NECTIN1: variants seen among roughly 807,000 people sequenced by gnomAD.
NECTIN1 encodes nectin cell adhesion molecule 1, also known as nectin-1.
Under a neutral mutation model 48.0 loss-of-function variants are expected in NECTIN1, and 23 were observed. That is an observed-to-expected ratio of 0.48 (90% CI 0.34 to 0.68). The LOEUF (loss-of-function observed/expected upper bound fraction) is 0.68, where lower values mean the gene tolerates loss of function less well. Ranked by LOEUF, NECTIN1 falls within the 30% of genes least tolerant of loss-of-function variation. NECTIN1 has a pLI of 0.01. For synonymous variants in NECTIN1, 270 were observed against 288.9 expected (o/e 0.93, Z 0.66); for missense variants, 591 against 709.9 (o/e 0.83, Z 1.90).
chr11:119,685,123 C>G (rs758457271), intron 1 of NECTIN1, among the ~76,000 whole-genome samples: 3 of 152,238 alleles, frequency 2.0e-5, no homozygotes, highest in Non-Finnish European at 4.4e-5. Flanking sequence ...GCATCTCTGT[C>G]TCCCCTGCTG....
chr11:119,686,711 G>A (rs1325133324), intron 1 of NECTIN1, among the ~76,000 whole-genome samples: 1 of 152,182 alleles, frequency 6.6e-6, no homozygotes, highest in Non-Finnish European at 1.5e-5. Flanking sequence ...CGTTACCTGC[G>A]CAAGTCCTTT....
intron 1 of NECTIN1, among the ~76,000 whole-genome samples, chr11:119,714,587 C>CCCTGT (rs1865715913): frequency 6.6e-6 from 1 of 152,164 alleles, no homozygotes; most frequent in South Asian, 2.1e-4. Flanking sequence ...CTGTCCCCTG[C>CCCTGT]CCTGTCCTGT....
chr11:119,719,904 C>T (rs1865799781), intron 1 of NECTIN1, among the ~76,000 whole-genome samples: 1 of 152,072 alleles, frequency 6.6e-6, no homozygotes, highest in Admixed American at 6.6e-5. Context: ...GAAAGCTTCA[C>T]AATAGAAGTG....
intron 1 of NECTIN1, among the ~76,000 whole-genome samples, chr11:119,714,345 C>A (rs554946019): frequency 6.6e-6 from 1 of 152,182 alleles, no homozygotes; most frequent in Non-Finnish European, 1.5e-5. Context: ...AGGGCCATGA[C>A]ATGCCACAGA....
Position 119,663,973 on chromosome 11 carries a change from A to T in NECTIN1, c.*774T>A. On this transcript the variant is annotated 3_prime_UTR_variant, in exon 6 of 6. Transcript: ENST00000264025. ...GCATGTGTGTGTGTGTGCACGTGTC[A>T]GCAGAGGCAGAGAGCAAGTGTGGGC... is the stretch of plus-strand genomic sequence containing the variant. 1 of 986,152 alleles carries T rather than the reference A, an allele frequency of 1.0e-6. No homozygotes were observed. Among genetic ancestry groups the T allele is most frequent in the Non-Finnish European group, 1.2e-6 (1 of 830,516 alleles). 61.1% of individuals were successfully genotyped at this position (986,152 alleles called of 1,614,324 possible). A position where few individuals can be genotyped will look rare whatever the true frequency, so the allele number is the denominator to read the frequency against.
chr11:119,678,459 A>T lies in NECTIN1; in HGVS notation c.386T>A (p.Phe129Tyr). 1 of 1,614,156 alleles carries T rather than the reference A, an allele frequency of 6.2e-7. No homozygotes were observed. The highest frequency in any genetic ancestry group is 8.5e-7 in the Non-Finnish European group (1 of 1,180,010). The part of the protein sequence containing the change: ...EGVYICEFAT[F>Y]PTGNRESQLN... ...CTGGCTTTCTCGATTGCCCGTAGGG[A>T]AGGTAGCAAACTCGCAGATGTAGAC... The change falls in exon 2 of 6, where the codon TTC (phenylalanine) becomes TAC (tyrosine). Residue 129 changes from phenylalanine (F) to tyrosine (Y), a missense_variant. Coordinates refer to ENST00000264025, the MANE Select transcript of NECTIN1 (RefSeq NM_002855.5). This position sits in a 1 kb window ranked among gnomAD's most constrained non-coding sequence, Gnocchi z 4.4.
At chr11:119,639,788 G>T in intron 6 of NECTIN1, 1 of 1,595,538 alleles carries the variant, frequency 6.3e-7, no homozygotes, top group Non-Finnish European at 8.6e-7. Context: ...AAGTTTAGGT[G>T]CTTTAAGTCT....
chr11:119,648,394 A>ATGGTGGTGGTGGTGGTGGTGGTGGTGG (rs1864442282), intron 5 of NECTIN1, among the ~76,000 whole-genome samples: 1 of 6,674 alleles, frequency 1.5e-4, no homozygotes, highest in Non-Finnish European at 2.5e-4. Context: ...GGTGGTGGTG[A>ATGGTGGTGGTGGTGGTGGTGGTGGTGG]TGGTGGTGAT....
intron 5 of NECTIN1, among the ~76,000 whole-genome samples, chr11:119,643,192 C>G (rs1864350491): frequency 6.6e-6 from 1 of 152,088 alleles, no homozygotes; most frequent in Admixed American, 6.5e-5. Flanking sequence ...GCCTGATGCA[C>G]CTGGAGGGTC....
intron 1 of NECTIN1, among the ~76,000 whole-genome samples, chr11:119,721,153 G>T (rs1415277904): frequency 6.6e-6 from 1 of 152,192 alleles, no homozygotes; most frequent in Non-Finnish European, 1.5e-5. Flanking sequence ...CTGTCCCCAA[G>T]GGCCTTCCTC....
chr11:119,695,125 A>G (rs565784199), intron 1 of NECTIN1, among the ~76,000 whole-genome samples: 7 of 152,302 alleles, frequency 4.6e-5, no homozygotes, highest in African/African-American at 1.4e-4. Context: ...ACTGAGGCTC[A>G]GGCTCGGGAA....
intron 1 of NECTIN1, among the ~76,000 whole-genome samples, chr11:119,722,923 C>T (rs1327474858): frequency 6.6e-6 from 1 of 152,214 alleles, no homozygotes; most frequent in Non-Finnish European, 1.5e-5. Flanking sequence ...TCTTCACAAA[C>T]CTCTTTGGGC....
rs1482894704 is a variant in NECTIN1 at position 119,639,723 on chromosome 11, G to T, written c.1151+142C>A. 6.4e-6 allele frequency: 7 copies of T among 1,098,762 alleles called. No homozygotes were observed. The African/African-American group carries it at 9.3e-5, about 15-fold the overall frequency. The allele number at this position is 1,098,762 out of a possible 1,614,324, so 68.1% of individuals were successfully genotyped here. ...GAGGGTCAGCTCTTCCTGCCAAAGG[G>T]TTAGTTCCTGGTCCCCCAGGGTGGG... On this transcript the variant is annotated intron_variant, in intron 6 of 7. Coordinates refer to the NECTIN1 transcript ENST00000341398.
At chr11:119,685,333 CCCGGCGCCTTGGGCGGGTGAG>C (rs1865137544) in intron 1 of NECTIN1, among the ~76,000 whole-genome samples, 1 of 152,248 alleles carries the variant, frequency 6.6e-6, no homozygotes, top group African/African-American at 2.4e-5. Flanking sequence ...GGAGCTGGCG[CCCGGCGCCTTGGGCGGGTGAG>C]CACAGTGCGT....
rs1864895942 is a variant in NECTIN1, at chr11:119,673,644, T to C, written c.1003+1515A>G. 6.6e-6 allele frequency among the ~76,000 whole-genome samples: 1 copy of C among 152,122 alleles called. No homozygotes were observed. Reference sequence around the variant, plus strand: ...ACACTCAGGCCAGGTCTGTGCTGTCTCCCATGTGACAGTGCCTCCCTGAGG... The same window carrying C: ...ACACTCAGGCCAGGTCTGTGCTGTCCCCCATGTGACAGTGCCTCCCTGAGG... On this transcript the variant is annotated intron_variant, in intron 5 of 5. Transcript: ENST00000264025. This position sits in a 1 kb window ranked among gnomAD's most constrained non-coding sequence, Gnocchi z 5.8.
rs572100333 is a variant in NECTIN1 at position 119,693,540 on chromosome 11, C to T, written c.80-14775G>A. Among the ~76,000 whole-genome samples, 8 of 152,296 alleles carry T rather than the reference C, an allele frequency of 5.3e-5. No individual in the cohort carries two copies. The South Asian group carries it at 6.2e-4, about 12-fold the overall frequency. On this transcript the variant is annotated intron_variant, in intron 1 of 5. Coordinates refer to ENST00000264025, the MANE Select transcript of NECTIN1 (RefSeq NM_002855.5). ...TGGAAGGTGCTGTTATTCTTTTCCTCGTTTTTCACTCAGCCCCTCCCACTC... is the reference window on the plus strand; with the variant it reads ...TGGAAGGTGCTGTTATTCTTTTCCTTGTTTTTCACTCAGCCCCTCCCACTC...
intron 1 of NECTIN1, among the ~76,000 whole-genome samples, chr11:119,695,208 TCGCTCTCCA>T (rs1323461498): frequency 6.6e-6 from 1 of 152,080 alleles, no homozygotes; most frequent in Admixed American, 6.5e-5. Context: ...AAGTCCCCGG[TCGCTCTCCA>T]CTGCCTTGGG....
intron 1 of NECTIN1, among the ~76,000 whole-genome samples, chr11:119,714,102 C>T (rs1044807463): frequency 6.6e-6 from 1 of 152,260 alleles, no homozygotes; most frequent in East Asian, 1.9e-4. Flanking sequence ...TGCAGGAACC[C>T]CAACTCAGTC....
At chr11:119,638,996 A>C (rs1035624044) in intron 6 of NECTIN1, among the ~76,000 whole-genome samples, 4 of 152,026 alleles carry the variant, frequency 2.6e-5, no homozygotes, top group African/African-American at 9.7e-5. Context: ...TTACAGGCTG[A>C]GAGTGCCCGG....
Sources: allele counts gnomAD v4.1 joint callset (sites outside exome capture counted in the v4.1 genomes callset), GRCh38; gene constraint gnomAD v4.1.1; non-coding constraint Gnocchi (gnomAD v3.1); transcripts MANE v1.5; gene names NCBI Gene and HGNC (gene_info 2026-07-23, HGNC 2026-07-21).